Variants in KATNAL2 observed in about 807,000 individuals in gnomAD.
KATNAL2 encodes katanin p60 ATPase-containing subunit A-like 2.
Under a neutral mutation model 76.3 loss-of-function variants are expected in KATNAL2, and 52 were observed. The observed-to-expected ratio is 0.68, with a 90% confidence interval of 0.55 to 0.86. The LOEUF (loss-of-function observed/expected upper bound fraction) is 0.86. KATNAL2 is among the 40% of genes least tolerant of loss of function. KATNAL2 has a pLI of 0.00. For synonymous variants in KATNAL2, 243 were observed against 244.2 expected, an observed-to-expected ratio of 1.00 and a Z score of 0.05; for missense variants, 660 against 668.9, an observed-to-expected ratio of 0.99 and a Z score of 0.15.
rs184592424 is a variant in KATNAL2 at position 46,954,595 on chromosome 18, C to T, written c.51+7672C>T. On this transcript the variant is annotated intron_variant, in intron 3 of 17. Coordinates refer to ENST00000683218, the MANE Select transcript of KATNAL2 (RefSeq NM_001387690.1). ...CTGCCCACCTTGGCCTCCCAGAGTGCTGGGATTACAGGTGTGAGCCCCCGC... is the reference window on the plus strand; with the variant it reads ...CTGCCCACCTTGGCCTCCCAGAGTGTTGGGATTACAGGTGTGAGCCCCCGC... Among the ~76,000 whole-genome samples the T allele has an allele frequency of 8.7e-4, 132 of 152,114 alleles. 1 individual carries two copies. The highest frequency in any genetic ancestry group is 3.1e-3 in the African/African-American group (129 of 41,502).
intron 3 of KATNAL2, among the ~76,000 whole-genome samples, chr18:47,038,804 A>G (rs1364939606): frequency 6.6e-6 from 1 of 152,230 alleles, no homozygotes; most frequent in East Asian, 1.9e-4. Flanking sequence ...TTCAACTTGT[A>G]TATATATTGC....
At chr18:46,944,279 G>A (rs914571005) in intron 1 of KATNAL2, among the ~76,000 whole-genome samples, 34 of 152,094 alleles carry the variant, frequency 2.2e-4, no homozygotes, top group Admixed American at 2.1e-3. Context: ...TGTACCCATG[G>A]GTTTGGCATC....
intron 1 of KATNAL2, among the ~76,000 whole-genome samples, chr18:46,932,681 A>G (rs1452177355): frequency 1.3e-5 from 2 of 149,868 alleles, no homozygotes; most frequent in Non-Finnish European, 3.0e-5. Flanking sequence ...CTCAAAAAAA[A>G]AAAAAAAAAA....
chr18:46,924,208 G>A (rs1313161672), intron 1 of KATNAL2, among the ~76,000 whole-genome samples: 2 of 152,214 alleles, frequency 1.3e-5, no homozygotes, highest in East Asian at 3.9e-4. Flanking sequence ...TATGGTTTTA[G>A]GTCTAACATT....
At chr18:47,063,739 G>A (rs996350396) in intron 10 of KATNAL2, among the ~76,000 whole-genome samples, 20 of 152,120 alleles carry the variant, frequency 1.3e-4, no homozygotes, top group Admixed American at 4.6e-4. Context: ...TAGAGACGTC[G>A]GGAGTCTGAT....
chr18:46,942,493 A>G (rs1448188807), intron 1 of KATNAL2, among the ~76,000 whole-genome samples: 1 of 152,190 alleles, frequency 6.6e-6, no homozygotes, highest in Non-Finnish European at 1.5e-5. Context: ...GCGTGCCTGT[A>G]ATCCCAGCTA....
Position 46,961,151 on chromosome 18 carries a change from T to C in KATNAL2, c.51+14228T>C, listed in dbSNP as rs368204218. Reference sequence around the variant, plus strand: ...GTAGTTTAGGTCAGGGGTAGATTTTTTAATTTTTTTCTTTAACTACAAGGA... The same window carrying C: ...GTAGTTTAGGTCAGGGGTAGATTTTCTAATTTTTTTCTTTAACTACAAGGA... On this transcript the variant is annotated intron_variant, in intron 3 of 17. Transcript: ENST00000683218. 3.9e-5 allele frequency among the ~76,000 whole-genome samples: 6 copies of C among 152,354 alleles called. 1 individual carries two copies. The highest frequency in any genetic ancestry group is 1.4e-4 in the African/African-American group (6 of 41,588).
intron 15 of KATNAL2, among the ~76,000 whole-genome samples, chr18:47,096,416 A>G (rs1348068415): frequency 1.3e-5 from 2 of 152,066 alleles, no homozygotes; most frequent in Admixed American, 6.5e-5. Context: ...ATCTCGGCTC[A>G]CTACAACCTC....
intron 1 of KATNAL2, among the ~76,000 whole-genome samples, chr18:46,932,716 G>A (rs1000875682): frequency 2.6e-4 from 38 of 143,908 alleles, no homozygotes; most frequent in African/African-American, 8.3e-4. Context: ...CACTCATTTC[G>A]CAAGGCTATT....
intron 1 of KATNAL2, among the ~76,000 whole-genome samples, chr18:46,942,652 C>T (rs1404626801): frequency 2.6e-5 from 4 of 152,084 alleles, no homozygotes; most frequent in Non-Finnish European, 5.9e-5. Flanking sequence ...TCATTTTGTT[C>T]TATTATAATA....
intron 3 of KATNAL2, among the ~76,000 whole-genome samples, chr18:47,042,872 G>C (rs575227298): frequency 6.6e-6 from 1 of 152,182 alleles, no homozygotes; most frequent in South Asian, 2.1e-4. Context: ...CAATGGCTAG[G>C]CAGTGAATGG....
At chr18:47,033,681 C>A in intron 3 of KATNAL2, 2 of 1,614,200 alleles carry the variant, frequency 1.2e-6, no homozygotes, top group East Asian at 2.2e-5. Flanking sequence ...GCTGGCGCAG[C>A]GTCGGCACCT....
intron 1 of KATNAL2, among the ~76,000 whole-genome samples, chr18:46,933,309 G>A (rs2058989014): frequency 1.3e-5 from 2 of 152,180 alleles, no homozygotes; most frequent in South Asian, 2.1e-4. Flanking sequence ...ATTTACCAAT[G>A]CAAAGGCAAA....
intron 3 of KATNAL2, among the ~76,000 whole-genome samples, chr18:46,951,089 C>G (rs1569009174): frequency 6.6e-6 from 1 of 152,148 alleles, no homozygotes; most frequent in Non-Finnish European, 1.5e-5. Context: ...CCCTGGCCTC[C>G]TCCCACCATC....
intron 4 of KATNAL2, among the ~76,000 whole-genome samples, chr18:47,048,447 C>T (rs532970162): frequency 2.6e-5 from 4 of 152,278 alleles, no homozygotes; most frequent in African/African-American, 9.6e-5. Context: ...AAACCTATTG[C>T]CCCCTAGAAG....
intron 15 of KATNAL2, among the ~76,000 whole-genome samples, chr18:47,083,561 T>A (rs1599820972): frequency 6.6e-6 from 1 of 152,222 alleles, no homozygotes. Context: ...GTGCAGCCTT[T>A]GTTTATTCAG....
At chr18:46,928,427 C>A (rs2058799467) in intron 1 of KATNAL2, among the ~76,000 whole-genome samples, 1 of 152,150 alleles carries the variant, frequency 6.6e-6, no homozygotes, top group Non-Finnish European at 1.5e-5. Flanking sequence ...ATGCTGCTGC[C>A]TGATCGTTCC....
chr18:46,927,153 T>C (rs2058753945), intron 1 of KATNAL2, among the ~76,000 whole-genome samples: 1 of 152,192 alleles, frequency 6.6e-6, no homozygotes, highest in Admixed American at 6.5e-5. Context: ...ATTTTGCTTG[T>C]TAGTTGGTGC....
At chr18:47,034,629 C>T in intron 3 of KATNAL2, 1 of 1,614,050 alleles carries the variant, frequency 6.2e-7, no homozygotes. Flanking sequence ...GGGGTTGGCC[C>T]TGGCAGCCTG....
Sources: gnomAD v4.1 joint callset for allele counts (sites outside exome capture counted in the v4.1 genomes callset) on GRCh38, gnomAD v4.1.1 for gene constraint, MANE v1.5 for transcripts, NCBI Gene and HGNC (gene_info 2026-07-23, HGNC 2026-07-21) for gene names.